The following FHIT variants were observed in gnomAD, a reference collection of about 807,000 sequenced individuals.
FHIT encodes fragile histidine triad diadenosine triphosphatase.
Under a neutral mutation model 17.9 loss-of-function variants are expected in FHIT, and 19 were observed. The observed-to-expected ratio is 1.06, with a 90% CI of 0.74 to 1.56. The LOEUF (loss-of-function observed/expected upper bound fraction) is 1.56. FHIT is among the 40% of genes most tolerant of loss of function. The pLI is 0.00. For missense variants in FHIT, 248 were observed against 189.2 expected, an observed-to-expected ratio of 1.31 and a Z score of -1.82; for synonymous variants, 81 against 69.7, an observed-to-expected ratio of 1.16 and a Z score of -0.81.
At chr3:60,424,697 G>T (rs1702599642) in intron 5 of FHIT, among the ~76,000 whole-genome samples, 1 of 152,068 alleles carries the variant, frequency 6.6e-6, no homozygotes. Flanking sequence ...GTCAGCAGGG[G>T]ATAAATATCT....
At chr3:60,307,105 T>C (rs114309041) in intron 5 of FHIT, among the ~76,000 whole-genome samples, 1,862 of 152,204 alleles carry the variant, frequency 0.012, 38 homozygotes, top group African/African-American at 0.042. Flanking sequence ...GAACATAAAA[T>C]TATGGACACA....
intron 4 of FHIT, among the ~76,000 whole-genome samples, chr3:60,606,649 A>T (rs2038617845): frequency 6.6e-6 from 1 of 152,116 alleles, no homozygotes; most frequent in Admixed American, 6.5e-5. Context: ...GAGGTCCTGG[A>T]GACTTCTGGT....
At chr3:59,957,468 T>G (rs1406280470) in intron 7 of FHIT, among the ~76,000 whole-genome samples, 2 of 152,230 alleles carry the variant, frequency 1.3e-5, no homozygotes, top group African/African-American at 4.8e-5. Flanking sequence ...TCTGTAGCAT[T>G]TTTGTTATAT....
chr3:60,054,823 T>C (rs1356649427), intron 5 of FHIT, among the ~76,000 whole-genome samples: 2 of 152,192 alleles, frequency 1.3e-5, no homozygotes, highest in Admixed American at 6.5e-5. Context: ...TGGGTAGAAA[T>C]GTTTAAATAT....
chr3:60,928,395 A>C (rs1287505886), intron 3 of FHIT, among the ~76,000 whole-genome samples: 2 of 150,432 alleles, frequency 1.3e-5, no homozygotes, highest in African/African-American at 4.9e-5. Context: ...AAAAAGTGCG[A>C]AAATTAGCCA....
intron 2 of FHIT, among the ~76,000 whole-genome samples, chr3:61,075,958 G>A (rs1007840974): frequency 6.6e-6 from 1 of 152,172 alleles, no homozygotes; most frequent in Non-Finnish European, 1.5e-5. Flanking sequence ...TGCTTCCAAT[G>A]TGGTAAGAAT....
chr3:61,173,489 G>A (rs933437058), intron 2 of FHIT, among the ~76,000 whole-genome samples: 3 of 152,166 alleles, frequency 2.0e-5, no homozygotes, highest in African/African-American at 7.2e-5. Context: ...TTGGTGGTAT[G>A]AACTGTGAGG....
intron 8 of FHIT, among the ~76,000 whole-genome samples, chr3:59,882,925 C>A (rs753689705): frequency 6.6e-6 from 1 of 152,110 alleles, no homozygotes; most frequent in Admixed American, 6.6e-5. Flanking sequence ...CTATGCTGTT[C>A]GGAGGAGGAA....
chr3:61,201,607 A>G (rs940436416), intron 1 of FHIT, among the ~76,000 whole-genome samples: 1 of 152,034 alleles, frequency 6.6e-6, no homozygotes. Context: ...ACATCCCTCT[A>G]TTCCATCAAA....
chr3:60,973,863 T>C (rs561962382), intron 3 of FHIT, among the ~76,000 whole-genome samples: 1 of 152,286 alleles, frequency 6.6e-6, no homozygotes, highest in Admixed American at 6.5e-5. Flanking sequence ...ATTTTATTGC[T>C]CCTTGGGGAA....
intron 3 of FHIT, among the ~76,000 whole-genome samples, chr3:60,902,786 C>G (rs1388397343): frequency 6.6e-6 from 1 of 152,164 alleles, no homozygotes; most frequent in Non-Finnish European, 1.5e-5. Context: ...TACCTGTAGA[C>G]CTGTCAGTTA....
chr3:59,922,485 C>T (rs753131073), intron 7 of FHIT, 71 bp from the exon 8 acceptor site: 1 of 1,271,784 alleles, frequency 7.9e-7, no homozygotes, highest in Non-Finnish European at 1.1e-6. Context: ...CAGTGATGCT[C>T]TCATGAAGCC....
chr3:59,887,554 C>T (rs762792522), intron 8 of FHIT, among the ~76,000 whole-genome samples: 31 of 152,164 alleles, frequency 2.0e-4, no homozygotes, highest in African/African-American at 6.8e-4. Context: ...TACTAATTAG[C>T]AGTCATAAAA....
At chr3:60,271,728 T>C (rs184553936) in intron 5 of FHIT, among the ~76,000 whole-genome samples, 2 of 152,338 alleles carry the variant, frequency 1.3e-5, no homozygotes, top group Admixed American at 1.3e-4. Context: ...GTTGTTGGTA[T>C]TGATCCTTCC....
intron 2 of FHIT, among the ~76,000 whole-genome samples, chr3:61,159,215 G>A (rs531499933): frequency 2.0e-5 from 3 of 152,198 alleles, no homozygotes; most frequent in East Asian, 3.9e-4. Context: ...TTTTCTATCT[G>A]GTATCCATGG....
chr3:60,677,591 A>G (rs1300870299), intron 4 of FHIT, among the ~76,000 whole-genome samples: 3 of 151,920 alleles, frequency 2.0e-5, no homozygotes, highest in African/African-American at 7.3e-5. Flanking sequence ...ATGTATATAC[A>G]TGTGGTGTGT....
chr3:60,340,120 C>T (rs1710442396), intron 5 of FHIT, among the ~76,000 whole-genome samples: 1 of 151,856 alleles, frequency 6.6e-6, no homozygotes, highest in African/African-American at 2.4e-5. Context: ...CCACCATTAG[C>T]AATTAAGGCA....
chr3:60,033,124 CCAAG>C (rs888388465), intron 5 of FHIT, among the ~76,000 whole-genome samples: 111 of 148,556 alleles, frequency 7.5e-4, no homozygotes, highest in African/African-American at 2.7e-3. Context: ...CCTGATCCAA[CCAAG>C]CAATGATAAA....
intron 5 of FHIT, among the ~76,000 whole-genome samples, chr3:60,129,049 G>GTTGTTT (rs759645654): frequency 0.017 from 2,009 of 120,760 alleles, 77 homozygotes; most frequent in African/African-American, 0.04. Flanking sequence ...TTCCTTTTTT[G>GTTGTTT]TTTGTTTTTT....
Sources: allele counts gnomAD v4.1 joint callset (sites outside exome capture counted in the v4.1 genomes callset), GRCh38; gene constraint gnomAD v4.1.1; transcripts MANE v1.5; gene names NCBI Gene and HGNC (gene_info 2026-07-23, HGNC 2026-07-21).